Variants in EFNA5 observed in about 807,000 individuals in gnomAD.
EFNA5 encodes the protein ephrin-A5.
In EFNA5, 5 loss-of-function variants were observed where a neutral mutation model predicts 22.9. The ratio of observed to expected loss-of-function variants is 0.22; its 90% confidence interval spans 0.11 to 0.46. The LOEUF (loss-of-function observed/expected upper bound fraction) is 0.46. EFNA5 is among the 20% of genes least tolerant of loss of function. The pLI, the probability that EFNA5 is intolerant of heterozygous loss-of-function variation, is 0.99. For synonymous variants in EFNA5, 113 were observed against 112.2 expected, an observed-to-expected ratio of 1.01 and a Z score of -0.04; for missense variants, 237 against 293.3, an observed-to-expected ratio of 0.81 and a Z score of 1.40.
chr5:107,486,790 G>A (rs1446839206), intron 1 of EFNA5, among the ~76,000 whole-genome samples: 2 of 152,148 alleles, frequency 1.3e-5, no homozygotes, highest in Admixed American at 6.5e-5. Context: ...TGAGATCCTG[G>A]GGCTGTTTGT....
At chr5:107,502,558 T>C (rs573219575) in intron 1 of EFNA5, among the ~76,000 whole-genome samples, 2 of 152,318 alleles carry the variant, frequency 1.3e-5, no homozygotes, top group East Asian at 1.9e-4. Context: ...TGTGGGGCTT[T>C]TGACAGCACA....
At chr5:107,502,342 T>G (rs894345738) in intron 1 of EFNA5, among the ~76,000 whole-genome samples, 2 of 152,222 alleles carry the variant, frequency 1.3e-5, no homozygotes, top group African/African-American at 4.8e-5. Flanking sequence ...AGTATCATCA[T>G]TTAGAAAGAT....
At chr5:107,654,120 T>C (rs1200459344) in intron 1 of EFNA5, among the ~76,000 whole-genome samples, 2 of 151,934 alleles carry the variant, frequency 1.3e-5, no homozygotes, top group East Asian at 1.9e-4. Flanking sequence ...AGGGAGTGAC[T>C]AGGAAAAAAA....
At chr5:107,565,758 C>T (rs1748653089) in intron 1 of EFNA5, among the ~76,000 whole-genome samples, 1 of 152,036 alleles carries the variant, frequency 6.6e-6, no homozygotes, top group Non-Finnish European at 1.5e-5. Context: ...TTATTTTTAA[C>T]TTATATGGTT....
rs150147275 is a variant in EFNA5, at chr5:107,588,189, T to C, written c.125+82300A>G. Among the ~76,000 whole-genome samples, 724 of 152,184 alleles carry C rather than the reference T, an allele frequency of 4.8e-3. 11 individuals carry two copies. The highest frequency in any genetic ancestry group is 0.017 in the African/African-American group (692 of 41,520). On this transcript the variant is annotated intron_variant, in intron 1 of 4. Coordinates refer to ENST00000333274, the MANE Select transcript of EFNA5 (RefSeq NM_001962.3). ...GTGTTCAAATTCTACTTGCTGCTTA[T>C]GTTGTCTGAATTAGTCTTGAAAATA... is the stretch of plus-strand genomic sequence containing the variant.
At chr5:107,592,553 C>T (rs906543565) in intron 1 of EFNA5, among the ~76,000 whole-genome samples, 2 of 152,032 alleles carry the variant, frequency 1.3e-5, no homozygotes, top group African/African-American at 4.8e-5. Flanking sequence ...GTCTCGATGT[C>T]GAGGAAATGA....
chr5:107,631,289 A>ACACT (rs749571174), intron 1 of EFNA5, among the ~76,000 whole-genome samples: 3 of 139,466 alleles, frequency 2.2e-5, no homozygotes, highest in Non-Finnish European at 3.2e-5. Flanking sequence ...ACACACACAC[A>ACACT]CTCTCTGTCT....
intron 1 of EFNA5, among the ~76,000 whole-genome samples, chr5:107,524,139 T>G (rs1747650329): frequency 1.3e-5 from 2 of 152,236 alleles, no homozygotes; most frequent in Non-Finnish European, 1.5e-5. Context: ...TGGCAATCTT[T>G]ACCGTAGATG....
chr5:107,505,724 G>A (rs1747238544), intron 1 of EFNA5, among the ~76,000 whole-genome samples: 1 of 152,146 alleles, frequency 6.6e-6, no homozygotes, highest in Admixed American at 6.6e-5. Context: ...ACAACACTGT[G>A]AGAATCAGTA....
intron 1 of EFNA5, among the ~76,000 whole-genome samples, chr5:107,630,273 T>G (rs909541777): frequency 2.0e-5 from 3 of 152,118 alleles, no homozygotes; most frequent in African/African-American, 7.2e-5. Context: ...GAGAAATCAT[T>G]AGGTGATTTT....
In EFNA5 at chr5:107,550,191, GT is replaced by G. The variant is rs1466340496; in HGVS notation, c.125+120297del. On this transcript the variant is annotated intron_variant, in intron 1 of 4. Transcript: ENST00000333274. ...AGATTTCTGATGGGTACACAAAACT[GT>G]GGTCCTGAAACACAGGGAACAACTC... Among the ~76,000 whole-genome samples the G allele has an allele frequency of 2.0e-5, 3 of 152,188 alleles. No homozygotes were observed. In the South Asian group the frequency reaches 6.2e-4, roughly 31 times the overall value.
At chr5:107,657,963 G>A (rs1159046542) in intron 1 of EFNA5, among the ~76,000 whole-genome samples, 3 of 152,026 alleles carry the variant, frequency 2.0e-5, no homozygotes, top group East Asian at 1.9e-4. Flanking sequence ...TAATACATAC[G>A]CTGTGAGGAA....
chr5:107,564,461 C>T (rs930591192), intron 1 of EFNA5, among the ~76,000 whole-genome samples: 6 of 152,180 alleles, frequency 3.9e-5, no homozygotes, highest in African/African-American at 9.6e-5. Context: ...GCGGATGATA[C>T]TCTAATTGTC....
chr5:107,662,839 T>C (rs1750991658), intron 1 of EFNA5, among the ~76,000 whole-genome samples: 2 of 147,076 alleles, frequency 1.4e-5, no homozygotes, highest in South Asian at 2.2e-4. Context: ...CTACTTAGCA[T>C]AGTCAGAAAA....
intron 1 of EFNA5, among the ~76,000 whole-genome samples, chr5:107,474,776 TGCTGGCTGACCTGCCAGAG>T (rs150755971): frequency 0.11 from 17,176 of 152,198 alleles, 1,073 homozygotes; most frequent in Middle Eastern, 0.2. Context: ...TCCAGAATGA[TGCTGGCTGACCTGCCAGAG>T]GCAAGAAGAA....
intron 1 of EFNA5, among the ~76,000 whole-genome samples, chr5:107,438,241 T>C (rs1749167041): frequency 6.6e-6 from 1 of 152,150 alleles, no homozygotes; most frequent in South Asian, 2.1e-4. Context: ...CACAGCCTCC[T>C]GAAACAAGAC....
chr5:107,502,217 A>G (rs1747152129), intron 1 of EFNA5, among the ~76,000 whole-genome samples: 1 of 152,150 alleles, frequency 6.6e-6, no homozygotes, highest in African/African-American at 2.4e-5. Flanking sequence ...ACTCTTAGAA[A>G]ACGAAATGCA....
intron 1 of EFNA5, among the ~76,000 whole-genome samples, chr5:107,569,410 TATA>T (rs1748729764): frequency 6.9e-6 from 1 of 145,690 alleles, no homozygotes; most frequent in Non-Finnish European, 1.5e-5. Flanking sequence ...TATATATATA[TATA>T]TTTATGTATA....
At position 107,412,995 on chromosome 5, in the gene EFNA5, T is replaced by C. The variant is rs1011196432; in HGVS notation, c.418+14222A>G. 3.3e-5 allele frequency among the ~76,000 whole-genome samples: 5 copies of C among 152,198 alleles called. 1 individual carries two copies. The highest frequency in any genetic ancestry group is 1.2e-4 in the African/African-American group (5 of 41,466). On this transcript the variant is annotated intron_variant, in intron 2 of 4. Transcript: ENST00000333274. The stretch of plus-strand genomic sequence containing the variant: ...TAAAAATTTGTCATGGAAGCTACCA[T>C]TAATTTTGACAGAAACTAGGAAAGT...
Sources: gnomAD v4.1 joint callset for allele counts (sites outside exome capture counted in the v4.1 genomes callset) on GRCh38, gnomAD v4.1.1 for gene constraint, MANE v1.5 for transcripts, NCBI Gene and HGNC (gene_info 2026-07-23, HGNC 2026-07-21) for gene names.